Variants in FAIM2 observed in about 807,000 individuals in gnomAD.
FAIM2 encodes the protein Fas apoptotic inhibitory molecule 2, also known as protein lifeguard 2.
FAIM2 carries 27 observed loss-of-function variants against 47.4 expected under a neutral mutation model. That is an observed-to-expected ratio of 0.57 (90% CI 0.42 to 0.78). The LOEUF (loss-of-function observed/expected upper bound fraction) is 0.78. Among genes scored for constraint, FAIM2 ranks in the 30% least tolerant of loss-of-function variants. FAIM2 has a pLI of 0.00. For synonymous variants in FAIM2, 156 were observed against 159.3 expected (o/e 0.98, Z 0.16); for missense variants, 311 against 389.4 (o/e 0.80, Z 1.69).
rs1287915689 is a variant in FAIM2 at position 49,898,114 on chromosome 12, G to A, written c.212-24C>T. The A allele has an allele frequency of 2.6e-6, 4 of 1,538,960 alleles. No individual in the cohort carries two copies. In the South Asian group the frequency reaches 3.3e-5, roughly 13 times the overall value. On this transcript the variant is annotated intron_variant, in intron 2 of 11. Transcript: ENST00000320634. ...GCCTGTGTGGCACGTGGAGGAGGAG[G>A]ACATGAGGGTTCCCCCTACATAGAA... is the stretch of plus-strand genomic sequence containing the variant.
At chr12:49,886,027 C>T (rs1045913943) in intron 11 of FAIM2, among the ~76,000 whole-genome samples, 3 of 152,208 alleles carry the variant, frequency 2.0e-5, no homozygotes, top group Non-Finnish European at 4.4e-5. Context: ...GCCCCCTCAG[C>T]CTGTCGCCCA....
intron 11 of FAIM2, among the ~76,000 whole-genome samples, chr12:49,879,325 C>A (rs1352556844): frequency 4.4e-5 from 2 of 45,324 alleles, no homozygotes; most frequent in Non-Finnish European, 3.8e-5. Context: ...TGTATATGTG[C>A]GTGTGTATGT....
At chr12:49,872,253 T>C (rs912866940) in intron 11 of FAIM2, among the ~76,000 whole-genome samples, 5 of 152,206 alleles carry the variant, frequency 3.3e-5, no homozygotes, top group Non-Finnish European at 7.3e-5. Flanking sequence ...GAGCTACTAA[T>C]TGGGCCAGAG....
chr12:49,898,003 C>G lies in FAIM2; in HGVS notation c.299G>C (p.Arg100Pro). 6.2e-7 allele frequency: 1 copy of G among 1,613,752 alleles called. No homozygotes were observed. Among genetic ancestry groups the G allele is most frequent in the Non-Finnish European group, 8.5e-7 (1 of 1,179,718 alleles). ...TFSWDDQKVRRVFVRKVYTIL... is the reference protein window; with the variant it reads ...TFSWDDQKVRPVFVRKVYTIL... Reference sequence around the variant, plus strand: ...GGGCATTACCTTTCTGACAAAGACTCGACGAACTTTCTGGTCATCCCAGCT... The same window carrying G: ...GGGCATTACCTTTCTGACAAAGACTGGACGAACTTTCTGGTCATCCCAGCT... The change falls in exon 3 of 12, where the codon CGA becomes CCA. Residue 100 changes from arginine to proline, a missense_variant. By Grantham distance (103) the Arg-to-Pro change is moderately radical. Transcript: ENST00000320634.
intron 7 of FAIM2, 109 bp from the exon 8 acceptor site, chr12:49,890,263 T>C: frequency 1.0e-6 from 1 of 953,952 alleles, no homozygotes; most frequent in Non-Finnish European, 1.7e-6. Context: ...CCTCAACTCT[T>C]TGTCTATGTC....
Position 49,870,576 on chromosome 12 carries a change from G to A in FAIM2, c.879C>T (p.Ala293=), listed in dbSNP as rs1245741958. The change falls in exon 12 of 12, where the codon GCC becomes GCT. Residue 293 remains alanine (A), a synonymous_variant. Transcript: ENST00000320634. ...SLSPEEYIFG[A]LNIYLDIIYI... The stretch of plus-strand genomic sequence containing the variant: ...AGATGATGTCTAGGTAAATGTTGAG[G>A]GCTCCAAAAATATACTCCTCAGGGC... 6.2e-7 allele frequency: 1 copy of A among 1,613,944 alleles called. No individual in the cohort carries two copies. The highest frequency in any genetic ancestry group is 1.1e-5 in the South Asian group (1 of 91,064).
chr12:49,890,665 A>G lies in FAIM2; in HGVS notation c.525+18T>C. ...TCCCCACTCAGCGTCTGTCCTCAGCACACCCAGGATCACTTACAAAGACGG... is the reference window on the plus strand; with the variant it reads ...TCCCCACTCAGCGTCTGTCCTCAGCGCACCCAGGATCACTTACAAAGACGG... On this transcript the variant is annotated intron_variant, in intron 7 of 11. Transcript: ENST00000320634. The G allele has an allele frequency of 6.2e-7, 1 of 1,612,682 alleles. No individual in the cohort carries two copies. The highest frequency in any genetic ancestry group is 1.6e-4 in the Middle Eastern group (1 of 6,062).
chr12:49,895,250 C>T (rs1364974136), intron 5 of FAIM2, among the ~76,000 whole-genome samples: 2 of 152,042 alleles, frequency 1.3e-5, no homozygotes, highest in Non-Finnish European at 2.9e-5. Context: ...TGTTTTCTGC[C>T]CAGAGATGTT....
intron 11 of FAIM2, among the ~76,000 whole-genome samples, chr12:49,883,236 C>T (rs1322667837): frequency 1.3e-5 from 2 of 152,120 alleles, no homozygotes; most frequent in Non-Finnish European, 2.9e-5. Context: ...CTGTGCTGTG[C>T]ATAGATGCAG....
At chr12:49,880,012 GTA>G (rs566000986) in intron 11 of FAIM2, among the ~76,000 whole-genome samples, 68 of 148,032 alleles carry the variant, frequency 4.6e-4, no homozygotes, top group South Asian at 3.7e-3. Flanking sequence ...ATATGCGTGT[GTA>G]TGTGTCTGTG....
At chr12:49,886,233 G>C (rs890812859) in intron 11 of FAIM2, among the ~76,000 whole-genome samples, 1 of 152,182 alleles carries the variant, frequency 6.6e-6, no homozygotes, top group Non-Finnish European at 1.5e-5. Flanking sequence ...ATTCGGGTGC[G>C]TGGGGCCCAC....
intron 11 of FAIM2, among the ~76,000 whole-genome samples, chr12:49,882,508 C>T (rs946484852): frequency 1.3e-5 from 2 of 152,156 alleles, no homozygotes; most frequent in Admixed American, 6.5e-5. Flanking sequence ...TGCAGATGAA[C>T]ACGGCAGGGG....
chr12:49,880,374 ATG>A (rs143191067), intron 11 of FAIM2, among the ~76,000 whole-genome samples: 41,607 of 144,120 alleles, frequency 0.29, 6,762 homozygotes, highest in Middle Eastern at 0.38. Flanking sequence ...GTGCATGTGT[ATG>A]TGTGTCTATG....
rs1051253897 is a variant in FAIM2 at position 49,869,352 on chromosome 12, A to G, written c.*1152T>C. Reference sequence around the variant, plus strand: ...GAGATGCAGAGATAAGTGGGGGAGCACTTAGGGACTCTGGGCTGAGTGAGT... The same window carrying G: ...GAGATGCAGAGATAAGTGGGGGAGCGCTTAGGGACTCTGGGCTGAGTGAGT... On this transcript the variant is annotated 3_prime_UTR_variant, in exon 12 of 12. Transcript: ENST00000320634. 6.5e-6 allele frequency: 1 copy of G among 153,034 alleles called. No homozygotes were observed. The highest frequency in any genetic ancestry group is 2.4e-5 in the African/African-American group (1 of 41,462). The allele number at this position is 153,034 out of a possible 1,614,324, so 9.5% of individuals were successfully genotyped here.
At chr12:49,880,454 GTGTA>G (rs1260904779) in intron 11 of FAIM2, among the ~76,000 whole-genome samples, 68 of 66,566 alleles carry the variant, frequency 1.0e-3, no homozygotes, top group African/African-American at 2.7e-3. Context: ...GTATGTGCAT[GTGTA>G]TGTGTGTGTG....
intron 11 of FAIM2, among the ~76,000 whole-genome samples, chr12:49,880,230 ATG>A (rs1359442286): frequency 2.4e-4 from 35 of 144,830 alleles, no homozygotes; most frequent in African/African-American, 7.0e-4. Context: ...ATGTGCATGC[ATG>A]TGTGTATGTG....
chr12:49,902,911 G>C (rs550784056), intron 1 of FAIM2: 1 of 152,370 alleles, frequency 6.6e-6, no homozygotes, highest in East Asian at 1.9e-4. Context: ...TGCATACAGG[G>C]AGAGGAGGGT....
chr12:49,890,987 G>C, intron 6 of FAIM2, 77 bp downstream of exon 6: 5 of 1,423,450 alleles, frequency 3.5e-6, no homozygotes, highest in Non-Finnish European at 5.0e-6. Flanking sequence ...GCTCACTGGT[G>C]GCTGGCAGGG....
chr12:49,878,271 TC>T lies in FAIM2; in HGVS notation c.802-7619del, dbSNP rs1946756960. Among the ~76,000 whole-genome samples the T allele has an allele frequency of 1.5e-5, 2 of 131,784 alleles. 1 individual carries two copies. Among genetic ancestry groups the T allele is most frequent in the African/African-American group, 5.8e-5 (2 of 34,212 alleles). 86.5% of individuals were successfully genotyped at this position (131,784 alleles called of 152,430 possible). A position where few individuals can be genotyped will look rare whatever the true frequency, so the allele number is the denominator to read the frequency against. On this transcript the variant is annotated intron_variant, in intron 11 of 11. Transcript: ENST00000320634. ...ATGTGAGTGTATGTGCATGTGTGTGTCCATGTGTCTATATGTGAGTGTATGG... is the reference window on the plus strand; with the variant it reads ...ATGTGAGTGTATGTGCATGTGTGTGTCATGTGTCTATATGTGAGTGTATGG...
Sources: allele counts gnomAD v4.1 joint callset (sites outside exome capture counted in the v4.1 genomes callset), GRCh38; gene constraint gnomAD v4.1.1; transcripts MANE v1.5; gene names NCBI Gene and HGNC (gene_info 2026-07-23, HGNC 2026-07-21).